Variants in CHST9 observed in about 807,000 individuals in gnomAD.
The protein encoded by CHST9 is GalNAc-4-sulfotransferase 2.
CHST9 carries 41 observed loss-of-function variants against 44.4 expected under a neutral mutation model. That is an observed-to-expected ratio of 0.92 (90% confidence interval 0.72 to 1.20). CHST9 has a LOEUF of 1.20. CHST9 is among the 50% of genes most tolerant of loss of function. CHST9 has a pLI of 0.00. For synonymous variants in CHST9, 171 were observed against 178.4 expected, an observed-to-expected ratio of 0.96 and a Z score of 0.33; for missense variants, 504 against 516.5, an observed-to-expected ratio of 0.98 and a Z score of 0.23.
intron 3 of CHST9, among the ~76,000 whole-genome samples, chr18:27,026,954 C>T (rs980772297): frequency 6.6e-6 from 1 of 152,134 alleles, no homozygotes; most frequent in African/African-American, 2.4e-5. Context: ...GCATGTTTTA[C>T]CTCTTGAAAC....
At chr18:27,061,627 A>G (rs1472511451) in intron 2 of CHST9, among the ~76,000 whole-genome samples, 1 of 152,110 alleles carries the variant, frequency 6.6e-6, no homozygotes, top group African/African-American at 2.4e-5. Context: ...ACCAGATTGC[A>G]TCATTGGTGT....
chr18:27,009,849 TTTTACC>T (rs1254395118), intron 4 of CHST9, among the ~76,000 whole-genome samples: 3 of 152,256 alleles, frequency 2.0e-5, no homozygotes, highest in African/African-American at 7.2e-5. Flanking sequence ...TTTCTTCTGC[TTTTACC>T]TTTGGTAGAA....
At chr18:27,089,715 G>C (rs2058048876) in intron 2 of CHST9, among the ~76,000 whole-genome samples, 1 of 151,834 alleles carries the variant, frequency 6.6e-6, no homozygotes, top group South Asian at 2.1e-4. Flanking sequence ...TTGCCACACT[G>C]TCTTCCACAA....
intron 3 of CHST9, among the ~76,000 whole-genome samples, chr18:27,031,849 C>G (rs1248658561): frequency 6.6e-6 from 1 of 152,214 alleles, no homozygotes; most frequent in East Asian, 1.9e-4. Flanking sequence ...AGTGGCCATC[C>G]TCTGAACTAC....
chr18:27,045,229 GTTC>G (rs548434521), intron 3 of CHST9, among the ~76,000 whole-genome samples: 155 of 152,122 alleles, frequency 1.0e-3, no homozygotes, highest in African/African-American at 3.6e-3. Context: ...ATTTGAAAGA[GTTC>G]TTCTTTTTGG....
At chr18:27,171,797 G>A (rs1257849268) in intron 1 of CHST9, among the ~76,000 whole-genome samples, 1 of 152,098 alleles carries the variant, frequency 6.6e-6, no homozygotes, top group African/African-American at 2.4e-5. Flanking sequence ...CAATAATTAT[G>A]ATTTTCAGTG....
intron 2 of CHST9, among the ~76,000 whole-genome samples, chr18:27,113,693 T>C (rs376978632): frequency 1.2e-4 from 19 of 152,156 alleles, no homozygotes; most frequent in African/African-American, 3.9e-4. Flanking sequence ...ACTGAATCTA[T>C]TGGCACCTTG....
At chr18:26,954,879 A>G (rs1228050777) in intron 4 of CHST9, among the ~76,000 whole-genome samples, 4 of 152,022 alleles carry the variant, frequency 2.6e-5, no homozygotes, top group African/African-American at 9.7e-5. Flanking sequence ...ATTGTATCCT[A>G]AGGACCCAGC....
chr18:26,917,896 T>C (rs2055567594), intron 5 of CHST9, among the ~76,000 whole-genome samples: 1 of 151,538 alleles, frequency 6.6e-6, no homozygotes, highest in African/African-American at 2.4e-5. Context: ...CCTGGGAAAA[T>C]GTTTTATTTT....
At chr18:26,970,748 T>C (rs1192222648) in intron 4 of CHST9, among the ~76,000 whole-genome samples, 1 of 152,134 alleles carries the variant, frequency 6.6e-6, no homozygotes, top group East Asian at 1.9e-4. Flanking sequence ...TCATCATAAT[T>C]GCCACCTCAT....
intron 4 of CHST9, among the ~76,000 whole-genome samples, chr18:26,957,413 C>T (rs957026737): frequency 6.6e-6 from 1 of 152,128 alleles, no homozygotes; most frequent in Non-Finnish European, 1.5e-5. Context: ...TGTAGACATG[C>T]TATCTCAGTA....
intron 2 of CHST9, among the ~76,000 whole-genome samples, chr18:27,108,985 C>T (rs144987913): frequency 2.4e-4 from 37 of 152,264 alleles, no homozygotes; most frequent in Non-Finnish European, 5.9e-5. Flanking sequence ...GTCCTTACTA[C>T]GCAGAACTGC....
At chr18:26,960,816 A>T (rs1489053385) in intron 4 of CHST9, among the ~76,000 whole-genome samples, 1 of 152,196 alleles carries the variant, frequency 6.6e-6, no homozygotes, top group Non-Finnish European at 1.5e-5. Flanking sequence ...TACAGGCATG[A>T]ACCACTATGC....
At chr18:27,154,048 C>T (rs1368571429) in intron 1 of CHST9, among the ~76,000 whole-genome samples, 1 of 152,132 alleles carries the variant, frequency 6.6e-6, no homozygotes, top group Non-Finnish European at 1.5e-5. Context: ...TGGACCCCAA[C>T]TAGACCCACC....
intron 2 of CHST9, among the ~76,000 whole-genome samples, chr18:27,090,297 GT>G (rs1251705294): frequency 6.6e-6 from 1 of 151,986 alleles, no homozygotes; most frequent in African/African-American, 2.4e-5. Context: ...GGGGTTGTTC[GT>G]TTTTTTCTTA....
chr18:27,059,188 G>A (rs903517496), intron 2 of CHST9, among the ~76,000 whole-genome samples: 2 of 152,174 alleles, frequency 1.3e-5, no homozygotes, highest in African/African-American at 4.8e-5. Flanking sequence ...GTAAAGTGGA[G>A]TAAAAGTAAA....
Position 27,053,052 on chromosome 18 carries a change from A to T in CHST9, c.122-4549T>A, listed in dbSNP as rs139205832. Among the ~76,000 whole-genome samples the T allele has an allele frequency of 9.9e-3, 1,499 of 150,776 alleles. 19 individuals are homozygous for T. The highest frequency in any genetic ancestry group is 0.035 in the African/African-American group (1,426 of 40,920). The stretch of plus-strand genomic sequence containing the variant: ...AGGTATTCCTATGTAACAAACCTGC[A>T]TGTTCAGCACATGTATCCCAGAACT... On this transcript the variant is annotated intron_variant, in intron 2 of 5. Transcript: ENST00000618847.
At chr18:27,109,435 G>A (rs2058250760) in intron 2 of CHST9, among the ~76,000 whole-genome samples, 1 of 152,160 alleles carries the variant, frequency 6.6e-6, no homozygotes, top group Non-Finnish European at 1.5e-5. Context: ...TTTTCGCTTT[G>A]GATTTATGCG....
intron 2 of CHST9, among the ~76,000 whole-genome samples, chr18:27,070,145 T>G (rs2057823347): frequency 6.6e-6 from 1 of 152,188 alleles, no homozygotes; most frequent in South Asian, 2.1e-4. Context: ...TGTCTTATAT[T>G]TAGAACTTTC....
Sources: allele counts gnomAD v4.1 joint callset (sites outside exome capture counted in the v4.1 genomes callset), GRCh38; gene constraint gnomAD v4.1.1; transcripts MANE v1.5; gene names NCBI Gene and HGNC (gene_info 2026-07-23, HGNC 2026-07-21).